Variants in LAMP1 observed in about 807,000 individuals in gnomAD.
The protein encoded by LAMP1 is lysosome-associated membrane glycoprotein 1.
LAMP1 carries 7 observed loss-of-function variants against 37.5 expected under a neutral mutation model. That is an observed-to-expected ratio of 0.19 (90% CI 0.11 to 0.35). LAMP1 has a LOEUF of 0.35. Among genes scored for constraint, LAMP1 ranks in the 10% least tolerant of loss-of-function variants. The pLI, the probability that LAMP1 is intolerant of heterozygous loss-of-function variation, is 1.00. For synonymous variants in LAMP1, 236 were observed against 229.1 expected (o/e 1.03, Z -0.27); for missense variants, 537 against 552.8 (o/e 0.97, Z 0.29).
In LAMP1 at chr13:113,319,527, C is replaced by G. The variant is rs1453784712; in HGVS notation, c.621C>G (p.Ser207Arg). The change falls in exon 5 of 9, where the codon AGC (serine) becomes AGG (arginine). Residue 207 changes from serine to arginine, a missense_variant. Coordinates refer to ENST00000332556, the MANE Select transcript of LAMP1 (RefSeq NM_005561.4). The part of the protein sequence containing the change: ...SPTTAPPAPP[S>R]PSPSPVPKSP... ...CCACAGCGCCCCCTGCGCCACCCAG[C>G]CCCTCGCCCTCACCCGTGCCCAAGA... 1 of 1,613,846 alleles carries G rather than the reference C, an allele frequency of 6.2e-7. No homozygotes were observed. The highest frequency in any genetic ancestry group is 1.3e-5 in the African/African-American group (1 of 74,948).
chr13:113,321,714 C>A lies in LAMP1; in HGVS notation c.1101C>A (p.Gly367=). 1 of 1,613,976 alleles carries A rather than the reference C, an allele frequency of 6.2e-7. No homozygotes were observed. Among genetic ancestry groups the A allele is most frequent in the Non-Finnish European group, 8.5e-7 (1 of 1,180,028 alleles). The change falls in exon 8 of 9, where the codon GGC becomes GGA. Residue 367 remains glycine, a synonymous_variant. Transcript: ENST00000332556. This position sits in a 1 kb window ranked among gnomAD's most constrained non-coding sequence, Gnocchi z 5.6. ...TCCAGGCTTTCAAGGTGGAAGGTGG[C>A]CAGTTTGGCTCTGGTGAGTGTCACC... ...VWVQAFKVEG[G]QFGSVEECLL... is the part of the protein sequence containing the mutation.
Position 113,309,660 on chromosome 13 carries a change from G to A in LAMP1, c.201G>A (p.Leu67=), listed in dbSNP as rs754696863. ...TATTCTAGAACATGACCTTTGACCT[G>A]CCATCAGATGCCACAGTGGTGCTCA... is the stretch of plus-strand genomic sequence containing the variant. ...KSGPKNMTFD[L]PSDATVVLNR... Residue 67 remains leucine, a synonymous_variant, in exon 3 of 9, where the codon CTG becomes CTA. Transcript: ENST00000332556. The A allele has an allele frequency of 2.5e-6, 4 of 1,613,480 alleles. No homozygotes were observed. Among genetic ancestry groups the A allele is most frequent in the Non-Finnish European group, 3.4e-6 (4 of 1,179,544 alleles).
In LAMP1 at chr13:113,321,271, C is replaced by T; in HGVS notation, c.877-133C>T. 1 of 776,872 alleles carries T rather than the reference C, an allele frequency of 1.3e-6. No homozygotes were observed. Among genetic ancestry groups the T allele is most frequent in the South Asian group, 1.5e-5 (1 of 66,064 alleles). 48.1% of individuals were successfully genotyped at this position (776,872 alleles called of 1,614,324 possible). On this transcript the variant is annotated intron_variant, in intron 6 of 8. Transcript: ENST00000332556. The surrounding 1 kb of genome is among the most constrained non-coding windows in gnomAD (Gnocchi z 5.6). ...GATCTTTTGCAGTTTTGTTCTAATA[C>T]TAGAAATGTAGGAAGTCAGGTTTAT...
At chr13:113,311,990 G>A (rs532659474) in intron 4 of LAMP1, among the ~76,000 whole-genome samples, 3 of 152,176 alleles carry the variant, frequency 2.0e-5, no homozygotes, top group African/African-American at 4.8e-5. Flanking sequence ...CCCTTAGGGT[G>A]GGCTTTCCTG....
At position 113,301,858 on chromosome 13, in the gene LAMP1, CTTTTTTTTT is replaced by C. The variant is rs539321614; in HGVS notation, c.61+4377_61+4385del. Among the ~76,000 whole-genome samples the C allele has an allele frequency of 6.5e-4, 48 of 74,320 alleles. No homozygotes were observed. In the Admixed American group the frequency reaches 8.3e-3, roughly 13 times the overall value. The allele number at this position is 74,320 out of a possible 152,430, so 48.8% of individuals were successfully genotyped here. A position where few individuals can be genotyped will look rare whatever the true frequency, so the allele number is the denominator to read the frequency against. ...GCCAAGAAAAACTAAGATGTGATTT[CTTTTTTTTT>C]TTTTTTTTTTTTTGAGACGGAGTCT... On this transcript the variant is annotated intron_variant, in intron 1 of 8. Coordinates refer to ENST00000332556, the MANE Select transcript of LAMP1 (RefSeq NM_005561.4).
At position 113,321,606 on chromosome 13, in the gene LAMP1, A is replaced by C. The variant is rs2139377294; in HGVS notation, c.993A>C (p.Thr331=). 6.2e-7 allele frequency: 1 copy of C among 1,614,168 alleles called. No individual in the cohort carries two copies. Residue 331 remains threonine (T), a synonymous_variant, in exon 8 of 9, where the codon ACA becomes ACC. Coordinates refer to ENST00000332556, the MANE Select transcript of LAMP1 (RefSeq NM_005561.4). The surrounding 1 kb of genome is among the most constrained non-coding windows in gnomAD (Gnocchi z 5.6). The part of the protein sequence containing the change: ...ANGSLRALQA[T]VGNSYKCNAE... ...GCTCCCTGCGAGCGCTGCAGGCCAC[A>C]GTCGGCAATTCCTACAAGTGCAACG...
Position 113,322,310 on chromosome 13 carries a change from C to A in LAMP1, c.1143C>A (p.Ser381Arg). The A allele has an allele frequency of 6.2e-7, 1 of 1,613,514 alleles. No individual in the cohort carries two copies. The highest frequency in any genetic ancestry group is 8.5e-7 in the Non-Finnish European group (1 of 1,179,816). Residue 381 changes from serine to arginine, a missense_variant, in exon 9 of 9, where the codon AGC becomes AGA. Coordinates refer to ENST00000332556, the MANE Select transcript of LAMP1 (RefSeq NM_005561.4). ...AGGAGTGTCTGCTGGACGAGAACAG[C>A]ATGCTGATCCCCATCGCTGTGGGTG... is the stretch of plus-strand genomic sequence containing the variant. ...SVEECLLDEN[S>R]MLIPIAVGGA...
chr13:113,317,354 G>A (rs570177948), intron 4 of LAMP1, among the ~76,000 whole-genome samples: 5 of 152,322 alleles, frequency 3.3e-5, no homozygotes, highest in African/African-American at 1.2e-4. Context: ...ATTCAGGGAA[G>A]GAGAGTGTGG....
chr13:113,312,953 C>G lies in LAMP1; in HGVS notation c.562+2086C>G, dbSNP rs137888613. Among the ~76,000 whole-genome samples the G allele has an allele frequency of 2.5e-3, 376 of 152,294 alleles. 1 individual carries two copies. The highest frequency in any genetic ancestry group is 8.3e-3 in the African/African-American group (346 of 41,580). ...CAAATTATCTGGGCTCCACACCTAG[C>G]TGGCTACCTCTGGGCTGCATCAATG... is the stretch of plus-strand genomic sequence containing the variant. On this transcript the variant is annotated intron_variant, in intron 4 of 8. Coordinates refer to ENST00000332556, the MANE Select transcript of LAMP1 (RefSeq NM_005561.4).
At chr13:113,314,981 G>A (rs1181029213) in intron 4 of LAMP1, among the ~76,000 whole-genome samples, 1 of 114,532 alleles carries the variant, frequency 8.7e-6, no homozygotes, top group Non-Finnish European at 1.7e-5. Context: ...TGCCTGGGGC[G>A]TGGCCTCCTG....
chr13:113,306,373 CAG>C, intron 1 of LAMP1, 110 bp from the exon 2 acceptor site: 1 of 1,100,330 alleles, frequency 9.1e-7, no homozygotes, highest in East Asian at 2.7e-5. Flanking sequence ...AAAAGAGAAA[CAG>C]TGGAATCTTG....
intron 4 of LAMP1, 135 bp from the exon 5 acceptor site, chr13:113,319,334 T>C (rs922639522): frequency 2.5e-6 from 2 of 792,544 alleles, no homozygotes; most frequent in Non-Finnish European, 3.9e-6. Context: ...GAGAGCCACC[T>C]TGGGAGACTG....
At chr13:113,298,024 G>C (rs954193626) in intron 1 of LAMP1, among the ~76,000 whole-genome samples, 1 of 152,194 alleles carries the variant, frequency 6.6e-6, no homozygotes, top group Non-Finnish European at 1.5e-5. Context: ...CTCTTTCAGC[G>C]GTGTGGAGGA....
chr13:113,322,083 A>C, intron 8 of LAMP1, 199 bp from the exon 9 acceptor site: 6 of 612,038 alleles, frequency 9.8e-6, no homozygotes, highest in Non-Finnish European at 1.7e-5. Flanking sequence ...CGGGGGAGAG[A>C]CGTGTGTGGT....
rs1035294392 is a variant in LAMP1 at position 113,310,999 on chromosome 13, G to A, written c.562+132G>A. 99 of 676,522 alleles carry A rather than the reference G, an allele frequency of 1.5e-4. 1 individual carries two copies. In the Middle Eastern group the frequency reaches 1.6e-3, roughly 11 times the overall value. The allele number at this position is 676,522 out of a possible 1,614,324, so 41.9% of individuals were successfully genotyped here. A position where few individuals can be genotyped will look rare whatever the true frequency, so the allele number is the denominator to read the frequency against. ...AACGCGTGTGCACACAGCCGGCGAC[G>A]TCTCTGCAGAACGTTCTCATCCTTC... On this transcript the variant is annotated intron_variant, in intron 4 of 8. Coordinates refer to ENST00000332556, the MANE Select transcript of LAMP1 (RefSeq NM_005561.4).
chr13:113,301,888 A>C (rs1236395772), intron 1 of LAMP1, among the ~76,000 whole-genome samples: 12 of 107,208 alleles, frequency 1.1e-4, no homozygotes, highest in Middle Eastern at 6.8e-3. Flanking sequence ...TTTGAGACGG[A>C]GTCTCGCTCT....
chr13:113,308,388 A>G lies in LAMP1; in HGVS notation c.184-1255A>G, dbSNP rs143788321. ...GCTCTTGTCACCCAGGCTGGAGTAC[A>G]ATGGCGCGTTCTTGGCTCACTGCAA... On this transcript the variant is annotated intron_variant, in intron 2 of 8. Transcript: ENST00000332556. 3.2e-3 allele frequency among the ~76,000 whole-genome samples: 406 copies of G among 128,412 alleles called. 1 individual carries two copies. Among genetic ancestry groups the G allele is most frequent in the African/African-American group, 0.012 (381 of 33,094 alleles). The allele number at this position is 128,412 out of a possible 152,430, so 84.2% of individuals were successfully genotyped here.
In LAMP1 at chr13:113,320,441, A is replaced by G; in HGVS notation, c.847A>G (p.Thr283Ala). ...LVTLELHSEG[T>A]TVLLFQFGMN... ...GACTCTGGAGCTGCACAGCGAGGGC[A>G]CCACCGTCCTGCTCTTCCAGTTCGG... Residue 283 changes from threonine to alanine, a missense_variant, in exon 6 of 9, where the codon ACC becomes GCC. Transcript: ENST00000332556. The surrounding 1 kb of genome is among the most constrained non-coding windows in gnomAD (Gnocchi z 4.4). The G allele has an allele frequency of 1.2e-6, 2 of 1,610,434 alleles. No homozygotes were observed. Among genetic ancestry groups the G allele is most frequent in the Non-Finnish European group, 1.7e-6 (2 of 1,179,944 alleles).
At chr13:113,319,418 C>A in intron 4 of LAMP1, 51 bp from the exon 5 acceptor site, 1 of 1,492,864 alleles carries the variant, frequency 6.7e-7, no homozygotes, top group South Asian at 1.3e-5. Context: ...ACTGTAACTG[C>A]TGATGGTTAT....
Sources: allele counts gnomAD v4.1 joint callset (sites outside exome capture counted in the v4.1 genomes callset), GRCh38; gene constraint gnomAD v4.1.1; non-coding constraint Gnocchi (gnomAD v3.1); transcripts MANE v1.5; gene names NCBI Gene and HGNC (gene_info 2026-07-23, HGNC 2026-07-21).